The following PTPRK variants were observed in gnomAD, a reference collection of about 807,000 sequenced individuals.
The protein encoded by PTPRK is protein tyrosine phosphatase receptor type K.
Under a neutral mutation model 178.0 loss-of-function variants are expected in PTPRK, and 75 were observed. The ratio of observed to expected loss-of-function variants is 0.42; its 90% CI spans 0.35 to 0.51. PTPRK has a LOEUF of 0.51. Among genes scored for constraint, PTPRK ranks in the 20% least tolerant of loss-of-function variants. The probability of loss-of-function intolerance (pLI) is 0.02; values close to 1 mark genes in which losing one functional copy is unlikely to be tolerated. For synonymous variants in PTPRK, 637 were observed against 620.6 expected (o/e 1.03, Z -0.39); for missense variants, 1,441 against 1,797.8 (o/e 0.80, Z 3.59).
intron 13 of PTPRK, among the ~76,000 whole-genome samples, chr6:128,037,667 G>T (rs1341817687): frequency 6.6e-6 from 1 of 152,150 alleles, no homozygotes; most frequent in African/African-American, 2.4e-5. Flanking sequence ...CAGATTTGGA[G>T]TATCTGCAGA....
intron 1 of PTPRK, among the ~76,000 whole-genome samples, chr6:128,509,033 G>A (rs551149047): frequency 9.2e-5 from 14 of 152,128 alleles, no homozygotes; most frequent in South Asian, 8.3e-4. Flanking sequence ...TCTGAGTGGC[G>A]TGATGAAATC....
chr6:128,042,996 G>A (rs1777451733), intron 13 of PTPRK, among the ~76,000 whole-genome samples: 1 of 151,770 alleles, frequency 6.6e-6, no homozygotes, highest in Admixed American at 6.6e-5. Flanking sequence ...GTCACTTAAT[G>A]CGACATTCCT....
At chr6:128,382,091 G>A (rs1417531336) in intron 2 of PTPRK, among the ~76,000 whole-genome samples, 5 of 149,250 alleles carry the variant, frequency 3.4e-5, no homozygotes, top group South Asian at 4.2e-4. Flanking sequence ...GCTGAGGTGG[G>A]AGGACTGCCA....
chr6:128,492,966 C>T (rs9482888), intron 1 of PTPRK, among the ~76,000 whole-genome samples: 12,110 of 152,136 alleles, frequency 0.08, 816 homozygotes, highest in African/African-American at 0.19. Context: ...ACCCATACCC[C>T]AAATTTTCCC....
chr6:128,194,063 TA>T (rs1037418102), intron 6 of PTPRK, among the ~76,000 whole-genome samples: 5 of 128,340 alleles, frequency 3.9e-5, no homozygotes, highest in African/African-American at 1.6e-4. Flanking sequence ...TATTTATATA[TA>T]TATTATTATT....
At chr6:128,070,072 T>C (rs1460924575) in intron 11 of PTPRK, among the ~76,000 whole-genome samples, 3 of 152,114 alleles carry the variant, frequency 2.0e-5, no homozygotes, top group Non-Finnish European at 2.9e-5. Flanking sequence ...ATTAAGAAAA[T>C]GATTTCCACA....
intron 7 of PTPRK, among the ~76,000 whole-genome samples, chr6:128,175,307 G>T (rs1439321036): frequency 6.6e-6 from 1 of 151,774 alleles, no homozygotes; most frequent in African/African-American, 2.4e-5. Context: ...TGGCCTTGAT[G>T]GTGTCAGTAA....
chr6:128,397,749 C>T, intron 1 of PTPRK, 61 bp from the exon 2 acceptor site: 2 of 1,524,280 alleles, frequency 1.3e-6, no homozygotes, highest in African/African-American at 1.4e-5. Flanking sequence ...AACGAAAGTT[C>T]TGGAGAAGGA....
intron 15 of PTPRK, 33 bp downstream of exon 15, chr6:128,005,051 C>T (rs1319868621): frequency 1.9e-6 from 3 of 1,557,756 alleles, no homozygotes; most frequent in South Asian, 1.1e-5. Context: ...TGAGTTGTAA[C>T]ATCATTTATT....
rs999337951 is a variant in PTPRK at position 128,180,302 on chromosome 6, G to GA, written c.1162+4129dup. Among the ~76,000 whole-genome samples the GA allele has an allele frequency of 8.7e-4, 125 of 142,890 alleles. 1 individual carries two copies. The highest frequency in any genetic ancestry group is 7.2e-3 in the South Asian group (33 of 4,614). The allele number at this position is 142,890 out of a possible 152,430, so 93.7% of individuals were successfully genotyped here. ...TATACCCAGAGGAAATAGACACACA[G>GA]AAAAAAAAAAAGCAAGCATACTTTC... is the stretch of plus-strand genomic sequence containing the variant. On this transcript the variant is annotated intron_variant, in intron 7 of 29. Coordinates refer to ENST00000368226, the MANE Select transcript of PTPRK (RefSeq NM_002844.4).
intron 2 of PTPRK, among the ~76,000 whole-genome samples, chr6:128,351,997 C>T (rs1373343636): frequency 6.6e-6 from 1 of 152,072 alleles, no homozygotes; most frequent in Non-Finnish European, 1.5e-5. Flanking sequence ...TGGCTCAATT[C>T]TGTAATCCCA....
intron 15 of PTPRK, chr6:128,001,302 A>G: frequency 1.1e-6 from 1 of 900,380 alleles, no homozygotes; most frequent in Non-Finnish European, 1.7e-6. Flanking sequence ...TATTAGCATT[A>G]AGCAATATTT....
At chr6:128,187,536 T>C (rs1802987165) in intron 6 of PTPRK, among the ~76,000 whole-genome samples, 1 of 152,198 alleles carries the variant, frequency 6.6e-6, no homozygotes, top group Non-Finnish European at 1.5e-5. Flanking sequence ...TGTGTGATGC[T>C]AGGTTGCTTT....
intron 1 of PTPRK, among the ~76,000 whole-genome samples, chr6:128,466,957 C>A (rs1849924525): frequency 6.6e-6 from 1 of 152,050 alleles, no homozygotes; most frequent in African/African-American, 2.4e-5. Context: ...ATATTTTGGA[C>A]ACGAGGATTA....
At chr6:128,470,911 CTT>C (rs35084056) in intron 1 of PTPRK, among the ~76,000 whole-genome samples, 44 of 137,534 alleles carry the variant, frequency 3.2e-4, no homozygotes, top group Middle Eastern at 3.5e-3. Flanking sequence ...TTCTTTCTTC[CTT>C]TTTTTTTTTT....
chr6:128,462,781 A>G (rs888446688), intron 1 of PTPRK, among the ~76,000 whole-genome samples: 1 of 151,754 alleles, frequency 6.6e-6, no homozygotes, highest in South Asian at 2.1e-4. Flanking sequence ...TCAGCCTCCC[A>G]AGTAGCTGGG....
At chr6:128,292,138 T>C (rs1374594686) in intron 3 of PTPRK, among the ~76,000 whole-genome samples, 1 of 152,096 alleles carries the variant, frequency 6.6e-6, no homozygotes, top group Admixed American at 6.6e-5. Flanking sequence ...ATATATCACA[T>C]GGACTTGTAA....
At chr6:128,069,910 G>C (rs887118741) in intron 11 of PTPRK, among the ~76,000 whole-genome samples, 1 of 152,038 alleles carries the variant, frequency 6.6e-6, no homozygotes, top group Non-Finnish European at 1.5e-5. Context: ...AGGCTCTTTG[G>C]GAAAGAGCCT....
At chr6:128,472,323 A>T (rs1850787449) in intron 1 of PTPRK, among the ~76,000 whole-genome samples, 1 of 151,586 alleles carries the variant, frequency 6.6e-6, no homozygotes, top group East Asian at 1.9e-4. Context: ...CCCGAGCTAC[A>T]TGCGGCAAGT....
Sources: allele counts gnomAD v4.1 joint callset (sites outside exome capture counted in the v4.1 genomes callset), GRCh38; gene constraint gnomAD v4.1.1; transcripts MANE v1.5; gene names NCBI Gene and HGNC (gene_info 2026-07-23, HGNC 2026-07-21).